ADGB: variants seen among roughly 807,000 people sequenced by gnomAD.
The protein encoded by ADGB is androglobin.
A neutral mutation model predicts 210.5 loss-of-function variants in ADGB; 172 were observed. The observed-to-expected ratio is 0.82, with a 90% CI of 0.72 to 0.93. The LOEUF (loss-of-function observed/expected upper bound fraction) is 0.93, where lower values mean the gene tolerates loss of function less well. Among genes scored for constraint, ADGB ranks in the 40% least tolerant of loss-of-function variants. The probability of loss-of-function intolerance (pLI) is 0.00; values close to 1 mark genes in which losing one functional copy is unlikely to be tolerated. For missense variants in ADGB, 2,025 were observed against 1,964.8 expected, an observed-to-expected ratio of 1.03 and a Z score of -0.58; for synonymous variants, 658 against 662.7, an observed-to-expected ratio of 0.99 and a Z score of 0.11.
intron 23 of ADGB, 86 bp from the exon 24 acceptor site, chr6:146,740,373 T>A: frequency 2.5e-6 from 3 of 1,218,726 alleles, no homozygotes; most frequent in Non-Finnish European, 3.4e-6. Context: ...TATCTTATAC[T>A]ATTTTTTGTC....
At chr6:146,637,935 C>CA (rs1462467019) in intron 2 of ADGB, among the ~76,000 whole-genome samples, 2 of 151,748 alleles carry the variant, frequency 1.3e-5, no homozygotes, top group African/African-American at 4.8e-5. Context: ...GTCACAACAA[C>CA]AAAAAAATCT....
chr6:146,803,171 T>C, intron 35 of ADGB: 1 of 1,491,056 alleles, frequency 6.7e-7, no homozygotes, highest in Non-Finnish European at 9.4e-7. Context: ...AAGCTACAAG[T>C]TCACTTATAC....
At chr6:146,694,764 T>TA in intron 12 of ADGB, among the ~76,000 whole-genome samples, 1 of 152,102 alleles carries the variant, frequency 6.6e-6, no homozygotes, top group Non-Finnish European at 1.5e-5. Flanking sequence ...TCTAGATGTG[T>TA]AAAAAAATAC....
chr6:146,695,711 G>T (rs1776392671), intron 12 of ADGB, among the ~76,000 whole-genome samples: 1 of 151,798 alleles, frequency 6.6e-6, no homozygotes, highest in Non-Finnish European at 1.5e-5. Context: ...CATTGCATAA[G>T]TTTCTTCTAA....
intron 1 of ADGB, among the ~76,000 whole-genome samples, chr6:146,600,918 C>A (rs1342369133): frequency 5.3e-5 from 6 of 112,704 alleles, no homozygotes; most frequent in Non-Finnish European, 1.1e-4. Context: ...TACACCCCTC[C>A]CCCATGCGCA....
intron 3 of ADGB, among the ~76,000 whole-genome samples, 200 bp from the exon 4 acceptor site, chr6:146,653,935 T>A (rs1174026981): frequency 6.6e-6 from 1 of 152,124 alleles, no homozygotes; most frequent in African/African-American, 2.4e-5. Flanking sequence ...CACCAACCAA[T>A]TTATGCCTAG....
chr6:146,623,222 C>A (rs1046916824), intron 1 of ADGB, among the ~76,000 whole-genome samples: 2 of 151,946 alleles, frequency 1.3e-5, no homozygotes, highest in African/African-American at 2.4e-5. Flanking sequence ...ATTAAAAAAG[C>A]CTGCTGGGAT....
intron 1 of ADGB, among the ~76,000 whole-genome samples, chr6:146,624,674 G>C (rs186433248): frequency 1.3e-5 from 2 of 151,674 alleles, no homozygotes; most frequent in Non-Finnish European, 3.0e-5. Context: ...CTTACTTAAG[G>C]TGGAAACTGC....
intron 1 of ADGB, among the ~76,000 whole-genome samples, chr6:146,630,168 C>T (rs990694469): frequency 3.3e-5 from 5 of 151,964 alleles, no homozygotes; most frequent in African/African-American, 1.2e-4. Context: ...ACCCGGGAGG[C>T]GGAGGTTGCA....
chr6:146,604,178 T>G (rs896490596), intron 1 of ADGB, among the ~76,000 whole-genome samples: 1 of 152,208 alleles, frequency 6.6e-6, no homozygotes, highest in Non-Finnish European at 1.5e-5. Context: ...AGTTCTACAA[T>G]GTGGCCGAGG....
chr6:146,718,967 A>G (rs1022545368), intron 16 of ADGB, among the ~76,000 whole-genome samples: 12 of 152,228 alleles, frequency 7.9e-5, no homozygotes, highest in African/African-American at 2.9e-4. Flanking sequence ...GAATAGTTTA[A>G]CCCAGAGTAT....
At chr6:146,669,970 G>T (rs1386748728) in intron 7 of ADGB, among the ~76,000 whole-genome samples, 1 of 151,894 alleles carries the variant, frequency 6.6e-6, no homozygotes, top group African/African-American at 2.4e-5. Flanking sequence ...TCAAGCTAAA[G>T]AAAAAAACTA....
At chr6:146,599,497 C>A (rs1391449347) in intron 1 of ADGB, among the ~76,000 whole-genome samples, 2 of 152,138 alleles carry the variant, frequency 1.3e-5, no homozygotes, top group Non-Finnish European at 2.9e-5. Context: ...ATACAGACAG[C>A]GAGTGACAGA....
chr6:146,764,448 A>C (rs1777544748), intron 28 of ADGB, among the ~76,000 whole-genome samples: 1 of 152,168 alleles, frequency 6.6e-6, no homozygotes, highest in Non-Finnish European at 1.5e-5. Context: ...TCATATATTA[A>C]TAAAACTTAA....
chr6:146,626,061 C>A (rs188321638), intron 1 of ADGB, among the ~76,000 whole-genome samples: 49 of 151,816 alleles, frequency 3.2e-4, no homozygotes, highest in Admixed American at 1.6e-3. Flanking sequence ...CCTATATTGG[C>A]TTTTTGCTAT....
intron 1 of ADGB, among the ~76,000 whole-genome samples, chr6:146,616,685 T>A (rs1414440138): frequency 6.6e-6 from 1 of 152,112 alleles, no homozygotes; most frequent in Non-Finnish European, 1.5e-5. Context: ...TTAAAAAGAC[T>A]GTTCTTTCCC....
chr6:146,802,917 T>C, intron 35 of ADGB: 1 of 1,610,602 alleles, frequency 6.2e-7, no homozygotes, highest in East Asian at 2.2e-5. Flanking sequence ...AAAATTTGAA[T>C]ATTTCCATCA....
At chr6:146,800,317 C>T (rs1007550871) in intron 33 of ADGB, among the ~76,000 whole-genome samples, 1 of 152,090 alleles carries the variant, frequency 6.6e-6, no homozygotes, top group Non-Finnish European at 1.5e-5. Flanking sequence ...AAAGACAAAT[C>T]TGTAGAGACA....
At chr6:146,773,156 T>A (rs1003365653) in intron 29 of ADGB, among the ~76,000 whole-genome samples, 6 of 152,156 alleles carry the variant, frequency 3.9e-5, no homozygotes, top group African/African-American at 1.4e-4. Context: ...TTCCTCTCAC[T>A]TTAGGTCACA....
Sources: allele counts gnomAD v4.1 joint callset (sites outside exome capture counted in the v4.1 genomes callset), GRCh38; gene constraint gnomAD v4.1.1; transcripts MANE v1.5; gene names NCBI Gene and HGNC (gene_info 2026-07-23, HGNC 2026-07-21).